RFX4: variants seen among roughly 807,000 people sequenced by gnomAD.
RFX4 encodes transcription factor RFX4.
RFX4 carries 10 observed loss-of-function variants against 95.0 expected under a neutral mutation model. That is an observed-to-expected ratio of 0.11 (90% CI 0.06 to 0.18). The LOEUF (loss-of-function observed/expected upper bound fraction) is 0.18, where lower values mean the gene tolerates loss of function less well. Among genes scored for constraint, RFX4 ranks in the 10% least tolerant of loss-of-function variants. RFX4 has a pLI of 1.00. For missense variants in RFX4, 640 were observed against 922.0 expected (o/e 0.69, Z 3.96); for synonymous variants, 321 against 340.7 (o/e 0.94, Z 0.64).
At chr12:106,673,739 A>T (rs962967115) in intron 4 of RFX4, among the ~76,000 whole-genome samples, 2 of 152,262 alleles carry the variant, frequency 1.3e-5, no homozygotes, top group Admixed American at 6.5e-5. Context: ...TATTGCTTAT[A>T]GCATTATTTG....
At position 106,732,268 on chromosome 12, in the gene RFX4, G is replaced by T. The variant is rs2042627296; in HGVS notation, c.1471+19G>T. 2 of 1,613,058 alleles carry T rather than the reference G, an allele frequency of 1.2e-6. No individual in the cohort carries two copies. Among genetic ancestry groups the T allele is most frequent in the African/African-American group, 2.7e-5 (2 of 74,898 alleles). ...AGCACTGGTAAGCCAGCATTTTCCTGGGAATTGCACCACTTGGTAATGTTA... is the reference window on the plus strand; with the variant it reads ...AGCACTGGTAAGCCAGCATTTTCCTTGGAATTGCACCACTTGGTAATGTTA... On this transcript the variant is annotated intron_variant, in intron 14 of 17. Coordinates refer to ENST00000392842, the MANE Select transcript of RFX4 (RefSeq NM_213594.3).
chr12:106,693,429 T>A (rs2041822585), intron 7 of RFX4, among the ~76,000 whole-genome samples: 1 of 152,164 alleles, frequency 6.6e-6, no homozygotes, highest in Non-Finnish European at 1.5e-5. Flanking sequence ...GACATTCTGC[T>A]AGAAATTGAC....
chr12:106,609,450 T>C (rs1314984751), intron 2 of RFX4, among the ~76,000 whole-genome samples: 2 of 152,232 alleles, frequency 1.3e-5, no homozygotes, highest in African/African-American at 2.4e-5. Flanking sequence ...ATTTTTTCCC[T>C]TAAACACTAA....
chr12:106,761,610 C>A lies in RFX4; in HGVS notation c.*141C>A. The stretch of plus-strand genomic sequence containing the variant: ...CCTAAGTGCCCATTTTCCTAATGAA[C>A]ATGAGGATGGGATCAATGTGGGATG... On this transcript the variant is annotated 3_prime_UTR_variant, in exon 18 of 18. Transcript: ENST00000392842. The A allele has an allele frequency of 2.0e-6, 1 of 496,976 alleles. No individual in the cohort carries two copies. The highest frequency in any genetic ancestry group is 2.9e-6 in the Non-Finnish European group (1 of 344,914). The allele number at this position is 496,976 out of a possible 1,614,324, so 30.8% of individuals were successfully genotyped here.
intron 2 of RFX4, among the ~76,000 whole-genome samples, chr12:106,616,424 T>C (rs1200259268): frequency 1.3e-5 from 2 of 152,176 alleles, no homozygotes; most frequent in African/African-American, 4.8e-5. Context: ...TGGCCTATGA[T>C]ATTTCTTTTT....
At chr12:106,745,796 A>C (rs182812289) in intron 15 of RFX4, among the ~76,000 whole-genome samples, 1 of 152,278 alleles carries the variant, frequency 6.6e-6, no homozygotes, top group East Asian at 1.9e-4. Context: ...CTAAAGGGGG[A>C]TGTTGAATCC....
chr12:106,662,148 C>G (rs1207867608), intron 4 of RFX4: 1 of 397,764 alleles, frequency 2.5e-6, no homozygotes, highest in Non-Finnish European at 5.0e-6. Flanking sequence ...AAACTGTCTT[C>G]CAAAGTGGCT....
At chr12:106,687,182 T>TCACACACACACACA in intron 6 of RFX4, 85 bp downstream of exon 6, 1 of 544,956 alleles carries the variant, frequency 1.8e-6, no homozygotes, top group African/African-American at 2.1e-5. Context: ...TCTCTCTCTC[T>TCACACACACACACA]CACACACACA....
intron 2 of RFX4, among the ~76,000 whole-genome samples, chr12:106,614,477 CTGTGTGTGTGTGTGTG>C (rs34226201): frequency 0.036 from 4,583 of 127,858 alleles, 200 homozygotes; most frequent in African/African-American, 0.11. Flanking sequence ...CGTCTTTTGC[CTGTGTGTGTGTGTGTG>C]TGTGTGTGTG....
intron 15 of RFX4, among the ~76,000 whole-genome samples, chr12:106,743,085 C>A (rs1422538072): frequency 1.3e-5 from 2 of 151,974 alleles, no homozygotes; most frequent in Non-Finnish European, 2.9e-5. Context: ...GTAAGGTGAC[C>A]AACAACTGCT....
chr12:106,664,930 A>C (rs773784231), intron 4 of RFX4, among the ~76,000 whole-genome samples: 1 of 151,830 alleles, frequency 6.6e-6, no homozygotes, highest in Non-Finnish European at 1.5e-5. Context: ...TATGACCCAG[A>C]ATGTGATCTA....
chr12:106,724,938 C>T (rs537640766), intron 13 of RFX4, among the ~76,000 whole-genome samples: 12 of 149,350 alleles, frequency 8.0e-5, no homozygotes, highest in Non-Finnish European at 1.3e-4. Flanking sequence ...CTTGAACCCA[C>T]GGGGGCAGAG....
At chr12:106,693,710 G>A (rs1044681091) in intron 7 of RFX4, among the ~76,000 whole-genome samples, 15 of 152,190 alleles carry the variant, frequency 9.9e-5, no homozygotes, top group African/African-American at 2.9e-4. Flanking sequence ...CAGCCACCGG[G>A]TGTCTCAGTG....
intron 15 of RFX4, among the ~76,000 whole-genome samples, chr12:106,742,077 T>C (rs1413294097): frequency 6.6e-6 from 1 of 152,092 alleles, no homozygotes; most frequent in Non-Finnish European, 1.5e-5. Flanking sequence ...AAGGATTCAG[T>C]CCAAGATCTG....
intron 3 of RFX4, among the ~76,000 whole-genome samples, chr12:106,644,602 C>T (rs759053651): frequency 2.9e-4 from 44 of 152,278 alleles, no homozygotes; most frequent in South Asian, 4.1e-4. Flanking sequence ...TAGGGCCTCA[C>T]GGAACATCTT....
intron 6 of RFX4, 70 bp downstream of exon 6, chr12:106,687,167 ATCTCTC>A: frequency 1.3e-6 from 1 of 791,656 alleles, no homozygotes; most frequent in Non-Finnish European, 2.0e-6. Flanking sequence ...CTCTGTCTCT[ATCTCTC>A]TCTCTCTCTC....
At chr12:106,696,541 G>A in intron 8 of RFX4, 95 bp downstream of exon 8, 3 of 1,344,228 alleles carry the variant, frequency 2.2e-6, no homozygotes, top group Non-Finnish European at 3.1e-6. Context: ...ACTGTCCAGA[G>A]GCCTCCCTTG....
At chr12:106,695,517 A>G (rs1302497184) in intron 7 of RFX4, among the ~76,000 whole-genome samples, 5 of 152,180 alleles carry the variant, frequency 3.3e-5, no homozygotes, top group African/African-American at 1.2e-4. Flanking sequence ...TTCAGTAACA[A>G]TGTGGCTCAA....
chr12:106,701,790 C>T (rs957610325), intron 8 of RFX4, among the ~76,000 whole-genome samples: 32 of 152,216 alleles, frequency 2.1e-4, no homozygotes, highest in African/African-American at 6.7e-4. Context: ...AATCCCAGTG[C>T]TTTGGGAGAT....
Sources: allele counts gnomAD v4.1 joint callset (sites outside exome capture counted in the v4.1 genomes callset), GRCh38; gene constraint gnomAD v4.1.1; transcripts MANE v1.5; gene names NCBI Gene and HGNC (gene_info 2026-07-23, HGNC 2026-07-21).